Variants in SFMBT2 observed in about 807,000 individuals in gnomAD.
SFMBT2 encodes scm-like with four MBT domains protein 2.
SFMBT2 carries 38 observed loss-of-function variants against 110.1 expected under a neutral mutation model. The ratio of observed to expected loss-of-function variants is 0.35; its 90% confidence interval spans 0.27 to 0.45. The LOEUF (loss-of-function observed/expected upper bound fraction) is 0.45, where lower values mean the gene tolerates loss of function less well. SFMBT2 is among the 20% of genes least tolerant of loss of function. SFMBT2 has a pLI of 1.00. For synonymous variants in SFMBT2, 425 were observed against 425.4 expected, an observed-to-expected ratio of 1.00 and a Z score of 0.01; for missense variants, 1,011 against 1,094.9, an observed-to-expected ratio of 0.92 and a Z score of 1.08.
Position 7,171,774 on chromosome 10 carries a change from G to C in SFMBT2, c.2415+121C>G. On this transcript the variant is annotated intron_variant, in intron 19 of 20. Coordinates refer to ENST00000397167, the MANE Select transcript of SFMBT2 (RefSeq NM_001387889.1). The surrounding 1 kb of genome is among the most constrained non-coding windows in gnomAD (Gnocchi z 4.9). ...TTGTTCCTGACTTGGGAACTAGCTA[G>C]AGCAGCTGCTGCTGTTGGAGGTATT... is the stretch of plus-strand genomic sequence containing the variant. The C allele has an allele frequency of 1.8e-6, 2 of 1,123,076 alleles. No homozygotes were observed. The highest frequency in any genetic ancestry group is 3.1e-5 in the East Asian group (1 of 32,016). The allele number at this position is 1,123,076 out of a possible 1,614,324, so 69.6% of individuals were successfully genotyped here. A position where few individuals can be genotyped will look rare whatever the true frequency, so the allele number is the denominator to read the frequency against.
chr10:7,217,867 G>C (rs1839593203), intron 11 of SFMBT2, among the ~76,000 whole-genome samples: 3 of 152,208 alleles, frequency 2.0e-5, no homozygotes, highest in African/African-American at 7.2e-5. Flanking sequence ...ATCATCATCA[G>C]TCACCCTTGC....
At chr10:7,210,555 AGGGAAT>A (rs1292045455) in intron 11 of SFMBT2, among the ~76,000 whole-genome samples, 1 of 152,270 alleles carries the variant, frequency 6.6e-6, no homozygotes, top group Non-Finnish European at 1.5e-5. Context: ...GAAGTATTTA[AGGGAAT>A]GTGTTAACCT....
intron 4 of SFMBT2, among the ~76,000 whole-genome samples, chr10:7,315,388 G>A (rs1255843987): frequency 2.6e-5 from 4 of 152,344 alleles, no homozygotes; most frequent in South Asian, 2.1e-4. Context: ...AATCCCTCCT[G>A]CCTCACTGCC....
chr10:7,192,385 G>A (rs766445673), intron 15 of SFMBT2, among the ~76,000 whole-genome samples: 25 of 151,986 alleles, frequency 1.6e-4, no homozygotes, highest in Non-Finnish European at 3.2e-4. Context: ...ATAAACTTAC[G>A]ACTGCTTCGA....
chr10:7,165,878 A>G (rs984966186), intron 20 of SFMBT2, among the ~76,000 whole-genome samples: 3 of 152,262 alleles, frequency 2.0e-5, no homozygotes, highest in African/African-American at 7.2e-5. Flanking sequence ...GAGTACTGTG[A>G]AATAAGTGTT....
chr10:7,227,990 C>G (rs1564394626), intron 9 of SFMBT2, 53 bp from the exon 10 acceptor site: 3 of 1,372,410 alleles, frequency 2.2e-6, no homozygotes, highest in African/African-American at 1.5e-5. Context: ...AAATCCCAGA[C>G]AGATGAGCAA....
At chr10:7,229,487 A>G (rs1336778750) in intron 9 of SFMBT2, among the ~76,000 whole-genome samples, 1 of 151,094 alleles carries the variant, frequency 6.6e-6, no homozygotes, top group East Asian at 2.0e-4. Flanking sequence ...GCTGTGGCAG[A>G]TAATTGCTCA....
In SFMBT2 at chr10:7,408,091, GC is replaced by G. The variant is rs1158431557; in HGVS notation, c.-52+2769del. Among the ~76,000 whole-genome samples, 1 of 152,206 alleles carries G rather than the reference GC, an allele frequency of 6.6e-6. No homozygotes were observed. Among genetic ancestry groups the G allele is most frequent in the African/African-American group, 2.4e-5 (1 of 41,466 alleles). The stretch of plus-strand genomic sequence containing the variant: ...CTCGTGCAAAATCGCGGGTTTCGGG[GC>G]CTTGGAGCAAATTGCGCTTGTCAGC... On this transcript the variant is annotated intron_variant, in intron 1 of 20. Coordinates refer to ENST00000397167, the MANE Select transcript of SFMBT2 (RefSeq NM_001387889.1). The surrounding 1 kb of genome is among the most constrained non-coding windows in gnomAD (Gnocchi z 5.7).
At chr10:7,393,145 C>G (rs1845828608) in intron 1 of SFMBT2, among the ~76,000 whole-genome samples, 1 of 151,236 alleles carries the variant, frequency 6.6e-6, no homozygotes, top group South Asian at 2.1e-4. Context: ...ATTCTCCTGC[C>G]TCAGCCTCCC....
intron 9 of SFMBT2, among the ~76,000 whole-genome samples, chr10:7,236,037 T>C (rs1210292204): frequency 6.6e-6 from 1 of 152,138 alleles, no homozygotes; most frequent in Admixed American, 6.5e-5. Flanking sequence ...CAAACTGTTT[T>C]TGAGACAGTT....
chr10:7,273,806 T>C (rs890755939), intron 7 of SFMBT2, among the ~76,000 whole-genome samples: 16 of 152,204 alleles, frequency 1.1e-4, no homozygotes, highest in Admixed American at 9.2e-4. Flanking sequence ...TGTGGAGAGA[T>C]AGGAACACTT....
chr10:7,390,189 C>T (rs1452183053), intron 1 of SFMBT2, among the ~76,000 whole-genome samples: 1 of 152,056 alleles, frequency 6.6e-6, no homozygotes, highest in Non-Finnish European at 1.5e-5. Context: ...ATTTTAATGA[C>T]CTTGAATTGA....
intron 16 of SFMBT2, among the ~76,000 whole-genome samples, chr10:7,185,224 C>T (rs1191477781): frequency 6.6e-6 from 1 of 152,222 alleles, no homozygotes; most frequent in African/African-American, 2.4e-5. Context: ...GCAGTCTTCC[C>T]TTCAAATAGA....
At position 7,367,183 on chromosome 10, in the gene SFMBT2, C is replaced by T. The variant is rs908239785; in HGVS notation, c.436+466G>A. Among the ~76,000 whole-genome samples the T allele has an allele frequency of 3.8e-4, 58 of 152,086 alleles. No homozygotes were observed. Among genetic ancestry groups the T allele is most frequent in the African/African-American group, 1.4e-3 (56 of 41,480 alleles). Reference sequence around the variant, plus strand: ...GACAGATGAAAAGTTATTAGAGAAGCCTGCTTAAGACACTCTGTTACTGTT... The same window carrying T: ...GACAGATGAAAAGTTATTAGAGAAGTCTGCTTAAGACACTCTGTTACTGTT... On this transcript the variant is annotated intron_variant, in intron 4 of 20. Transcript: ENST00000397167. The surrounding 1 kb of genome is among the most constrained non-coding windows in gnomAD (Gnocchi z 6.2).
Position 7,207,470 on chromosome 10 carries a change from A to G in SFMBT2, c.1331-1542T>C, listed in dbSNP as rs1344994743. On this transcript the variant is annotated intron_variant, in intron 11 of 20. Transcript: ENST00000397167. ...GAAGGAAAGAAAGAAAAAGAAAGAA[A>G]GAGAAAGGAAGGAAGGAAGGAAGGA... 1.5e-4 allele frequency: 31 copies of G among 202,264 alleles called. No homozygotes were observed. The African/African-American group carries it at 1.9e-3, about 12-fold the overall frequency. The allele number at this position is 202,264 out of a possible 1,614,324, so 12.5% of individuals were successfully genotyped here.
intron 6 of SFMBT2, 120 bp from the exon 7 acceptor site, chr10:7,277,109 G>C: frequency 1.5e-6 from 1 of 661,616 alleles, no homozygotes; most frequent in Non-Finnish European, 2.7e-6. Flanking sequence ...GACCGTGAGT[G>C]TTCACACCCC....
At chr10:7,258,652 G>A (rs868194093) in intron 7 of SFMBT2, among the ~76,000 whole-genome samples, 11 of 152,104 alleles carry the variant, frequency 7.2e-5, no homozygotes, top group African/African-American at 1.7e-4. Context: ...TCCTCTATTC[G>A]TATCAGCATG....
chr10:7,203,088 A>C, intron 12 of SFMBT2: 1 of 985,456 alleles, frequency 1.0e-6, no homozygotes, highest in Non-Finnish European at 1.2e-6. Flanking sequence ...GATTCAGATC[A>C]CCTTAACAAA....
chr10:7,360,837 G>T (rs531466377), intron 4 of SFMBT2, among the ~76,000 whole-genome samples: 3 of 152,208 alleles, frequency 2.0e-5, no homozygotes, highest in Non-Finnish European at 4.4e-5. Flanking sequence ...TGTTGTAAAA[G>T]GTCCATTCAG....
Sources: allele counts gnomAD v4.1 joint callset (sites outside exome capture counted in the v4.1 genomes callset), GRCh38; gene constraint gnomAD v4.1.1; non-coding constraint Gnocchi (gnomAD v3.1); transcripts MANE v1.5; gene names NCBI Gene and HGNC (gene_info 2026-07-23, HGNC 2026-07-21).